The following COL9A1 variants were observed in gnomAD, a reference collection of about 807,000 sequenced individuals.
COL9A1 encodes collagen type IX alpha 1 chain.
Under a neutral mutation model 142.6 loss-of-function variants are expected in COL9A1, and 104 were observed. The ratio of observed to expected loss-of-function variants is 0.73; its 90% CI spans 0.62 to 0.86. COL9A1 has a LOEUF of 0.86. Among genes scored for constraint, COL9A1 ranks in the 40% least tolerant of loss-of-function variants. The probability of loss-of-function intolerance (pLI) is 0.00; values close to 1 mark genes in which losing one functional copy is unlikely to be tolerated. For missense variants in COL9A1, 1,210 were observed against 1,176.6 expected (o/e 1.03, Z -0.42); for synonymous variants, 466 against 396.0 (o/e 1.18, Z -2.10).
At position 70,283,925 on chromosome 6, in the gene COL9A1, A is replaced by G. The variant is rs574022328; in HGVS notation, c.697-105T>C. The G allele has an allele frequency of 2.6e-4, 218 of 844,244 alleles. 1 individual carries two copies. Among genetic ancestry groups the G allele is most frequent in the Non-Finnish European group, 5.0e-5 (25 of 501,964 alleles). 52.3% of individuals were successfully genotyped at this position (844,244 alleles called of 1,614,324 possible). A position where few individuals can be genotyped will look rare whatever the true frequency, so the allele number is the denominator to read the frequency against. On this transcript the variant is annotated intron_variant, in intron 5 of 37. Transcript: ENST00000357250. ...CTAATTGTTAAATAATTGGAAATCA[A>G]CTTGAACTGGTTGAGCACACTGGAC...
intron 25 of COL9A1, 118 bp from the exon 26 acceptor site, chr6:70,253,547 T>G: frequency 1.3e-6 from 1 of 746,622 alleles, no homozygotes; most frequent in Non-Finnish European, 2.4e-6. Context: ...AAAGCTTTAA[T>G]GTAAGGAAGA....
At chr6:70,264,267 C>A (rs1771877772) in intron 18 of COL9A1, among the ~76,000 whole-genome samples, 1 of 152,016 alleles carries the variant, frequency 6.6e-6, no homozygotes, top group Non-Finnish European at 1.5e-5. Context: ...TTGGACAAAT[C>A]TTCACAGAGT....
At chr6:70,227,251 AAG>A (rs1470480676) in intron 36 of COL9A1, among the ~76,000 whole-genome samples, 1 of 151,964 alleles carries the variant, frequency 6.6e-6, no homozygotes, top group African/African-American at 2.4e-5. Context: ...CCTTTTTATT[AAG>A]ATTCAAAATA....
At position 70,255,351 on chromosome 6, in the gene COL9A1, G is replaced by C; in HGVS notation, c.1543C>G (p.Pro515Ala). 1 of 1,614,136 alleles carries C rather than the reference G, an allele frequency of 6.2e-7. No individual in the cohort carries two copies. Residue 515 changes from proline (P) to alanine (A), a missense_variant, in exon 22 of 38, where the codon CCC becomes GCC. Coordinates refer to ENST00000357250, the MANE Select transcript of COL9A1 (RefSeq NM_001851.6). ...GQRGPPGEAG[P>A]KGDRGAEGAR... ...TTTAAACTCACTCTATCTCCTTTGGGACCTGCTTCTCCTGGAGGTCCTCGC... is the reference window on the plus strand; with the variant it reads ...TTTAAACTCACTCTATCTCCTTTGGCACCTGCTTCTCCTGGAGGTCCTCGC...
In COL9A1 at chr6:70,217,090, C is replaced by T; in HGVS notation, c.2582-9G>A. ...GGCAGGGCCTGGGTCACCTGAAACA[C>T]ACAGAAGATTGCACATGTGAACAGG... On this transcript the variant is annotated splice_polypyrimidine_tract_variant and intron_variant, in intron 37 of 37. Transcript: ENST00000357250. 1 of 1,613,878 alleles carries T rather than the reference C, an allele frequency of 6.2e-7. No homozygotes were observed. Among genetic ancestry groups the T allele is most frequent in the Non-Finnish European group, 8.5e-7 (1 of 1,179,954 alleles).
At chr6:70,302,599 C>T (rs898287562) in intron 1 of COL9A1, among the ~76,000 whole-genome samples, 7 of 152,088 alleles carry the variant, frequency 4.6e-5, no homozygotes, top group African/African-American at 1.4e-4. Flanking sequence ...CTCACCTTCT[C>T]GGTATCTACC....
chr6:70,277,064 A>C (rs1372798285), intron 10 of COL9A1, among the ~76,000 whole-genome samples: 1 of 152,250 alleles, frequency 6.6e-6, no homozygotes, highest in African/African-American at 2.4e-5. Flanking sequence ...CACAGATAAT[A>C]GTTGTATACA....
chr6:70,215,922 C>CACACAA (rs1158247888), downstream of COL9A1: 1 of 151,758 alleles, frequency 6.6e-6, no homozygotes, highest in African/African-American at 2.4e-5. Context: ...AACACACACA[C>CACACAA]ACACACACAC....
intron 36 of COL9A1, 125 bp from the exon 37 acceptor site, chr6:70,226,134 T>G: frequency 1.2e-6 from 1 of 800,196 alleles, no homozygotes; most frequent in Non-Finnish European, 2.1e-6. Flanking sequence ...TAAACTAGAT[T>G]GTAGTGAGTA....
At chr6:70,250,069 T>A (rs1448349527) in intron 28 of COL9A1, among the ~76,000 whole-genome samples, 1 of 152,148 alleles carries the variant, frequency 6.6e-6, no homozygotes, top group Non-Finnish European at 1.5e-5. Flanking sequence ...GAAACCAGCC[T>A]GGGCAACATG....
intron 28 of COL9A1, among the ~76,000 whole-genome samples, chr6:70,247,948 T>C (rs183307666): frequency 2.3e-3 from 347 of 152,248 alleles, no homozygotes; most frequent in Non-Finnish European, 3.4e-3. Flanking sequence ...ATTGAGGCTG[T>C]TGGTATTGGA....
At position 70,299,986 on chromosome 6, in the gene COL9A1, T is replaced by C. The variant is rs569038661; in HGVS notation, c.299+57A>G. On this transcript the variant is annotated intron_variant, in intron 4 of 37. Coordinates refer to ENST00000357250, the MANE Select transcript of COL9A1 (RefSeq NM_001851.6). Reference sequence around the variant, plus strand: ...AGAAAACTCTAACATTGGATAGCTATCCATTTTTAATGCATTTGAGTCAGA... The same window carrying C: ...AGAAAACTCTAACATTGGATAGCTACCCATTTTTAATGCATTTGAGTCAGA... The C allele has an allele frequency of 3.3e-6, 5 of 1,495,262 alleles. No individual in the cohort carries two copies. In the African/African-American group the frequency reaches 5.5e-5, roughly 16 times the overall value. 92.6% of individuals were successfully genotyped at this position (1,495,262 alleles called of 1,614,324 possible). A position where few individuals can be genotyped will look rare whatever the true frequency, so the allele number is the denominator to read the frequency against.
chr6:70,264,707 T>G (rs1771904696), intron 18 of COL9A1, among the ~76,000 whole-genome samples: 1 of 152,092 alleles, frequency 6.6e-6, no homozygotes, highest in Non-Finnish European at 1.5e-5. Context: ...ACCAAACAAC[T>G]AATCCATAAT....
chr6:70,285,856 T>C (rs530674113), intron 5 of COL9A1, among the ~76,000 whole-genome samples: 4 of 152,338 alleles, frequency 2.6e-5, no homozygotes, highest in South Asian at 4.1e-4. Flanking sequence ...TGCCCAGATT[T>C]AGGATTATTC....
intron 4 of COL9A1, among the ~76,000 whole-genome samples, chr6:70,295,684 T>C (rs998373462): frequency 1.3e-5 from 2 of 152,170 alleles, no homozygotes; most frequent in Non-Finnish European, 2.9e-5. Flanking sequence ...CTGAGGCATC[T>C]CTACCCTATA....
intron 1 of COL9A1, among the ~76,000 whole-genome samples, chr6:70,302,493 C>T (rs990326518): frequency 6.6e-6 from 1 of 152,096 alleles, no homozygotes; most frequent in Non-Finnish European, 1.5e-5. Context: ...CAAGCATAAG[C>T]CACCGCACCC....
chr6:70,219,627 G>A (rs1413310062), intron 37 of COL9A1, among the ~76,000 whole-genome samples: 1 of 152,202 alleles, frequency 6.6e-6, no homozygotes, highest in Non-Finnish European at 1.5e-5. Flanking sequence ...GTAAGTGTTG[G>A]GGAGACCAAA....
At chr6:70,217,217 G>T (rs1768579321) in intron 37 of COL9A1, 136 bp from the exon 38 acceptor site, 1 of 752,446 alleles carries the variant, frequency 1.3e-6, no homozygotes, top group Non-Finnish European at 2.3e-6. Flanking sequence ...GACTGGTGAT[G>T]ATTGGTGATG....
Position 70,262,748 on chromosome 6 carries a change from A to G in COL9A1, c.1395+496T>C, listed in dbSNP as rs138903937. On this transcript the variant is annotated intron_variant, in intron 19 of 37. Transcript: ENST00000357250. ...ACCTTACTGTGAATATTATTGCAGA[A>G]ATCTGCTAAAGCACGAGGGACCAAT... 2.2e-3 allele frequency among the ~76,000 whole-genome samples: 332 copies of G among 152,364 alleles called. 2 individuals are homozygous for G. Among genetic ancestry groups the G allele is most frequent in the African/African-American group, 7.7e-3 (322 of 41,594 alleles).
Sources: allele counts gnomAD v4.1 joint callset (sites outside exome capture counted in the v4.1 genomes callset), GRCh38; gene constraint gnomAD v4.1.1; transcripts MANE v1.5; gene names NCBI Gene and HGNC (gene_info 2026-07-23, HGNC 2026-07-21).